The following TECPR1 variants were observed in gnomAD, a reference collection of about 807,000 sequenced individuals.
TECPR1 encodes the protein tectonin beta-propeller repeat containing 1, also known as tectonin beta-propeller repeat-containing protein 1.
In TECPR1, 122 loss-of-function variants were observed where a neutral mutation model predicts 162.4. That is an observed-to-expected ratio of 0.75 (90% confidence interval 0.65 to 0.87). The LOEUF is 0.87. TECPR1 is among the 40% of genes least tolerant of loss of function. TECPR1 has a pLI of 0.00. For synonymous variants in TECPR1, 642 were observed against 670.6 expected (o/e 0.96, Z 0.66); for missense variants, 1,432 against 1,618.2 (o/e 0.88, Z 1.97).
chr7:98,230,952 C>T lies in TECPR1; in HGVS notation c.2282+9G>A. ...GCCCCAGACCCCACCCAGAGTGCGG[C>T]TCACTCACATCTGGTCGCAGGGCAG... On this transcript the variant is annotated intron_variant, in intron 15 of 25. Transcript: ENST00000447648. 1 of 1,608,822 alleles carries T rather than the reference C, an allele frequency of 6.2e-7. No homozygotes were observed. Among genetic ancestry groups the T allele is most frequent in the Non-Finnish European group, 8.5e-7 (1 of 1,177,858 alleles).
chr7:98,245,572 A>C, intron 3 of TECPR1, among the ~76,000 whole-genome samples: 1 of 152,196 alleles, frequency 6.6e-6, no homozygotes, highest in East Asian at 1.9e-4. Context: ...CCCTGGCTCA[A>C]GTGATCCTCC....
At chr7:98,251,237 G>T (rs888021817) in intron 2 of TECPR1, 157 bp downstream of exon 2, 1 of 152,110 alleles carries the variant, frequency 6.6e-6, no homozygotes, top group Non-Finnish European at 1.5e-5. Flanking sequence ...GTCTTTCCAC[G>T]AAGAAGGTCT....
chr7:98,222,526 G>C lies in TECPR1; in HGVS notation c.2929-5C>G. The stretch of plus-strand genomic sequence containing the variant: ...AACGTGCAGCCAGGAGGAGCCCTGG[G>C]GATAGCAAGGAGGGGCGCTGAGGTC... On this transcript the variant is annotated splice_region_variant and splice_polypyrimidine_tract_variant and intron_variant, in intron 21 of 25. Coordinates refer to ENST00000447648, the MANE Select transcript of TECPR1 (RefSeq NM_015395.3). 4 of 1,571,270 alleles carry C rather than the reference G, an allele frequency of 2.5e-6. No homozygotes were observed. In the South Asian group the frequency reaches 3.5e-5, roughly 14 times the overall value.
intron 21 of TECPR1, 30 bp downstream of exon 21, chr7:98,222,960 A>G: frequency 6.2e-7 from 1 of 1,607,530 alleles, no homozygotes; most frequent in Non-Finnish European, 8.5e-7. Flanking sequence ...GTCTCATTTC[A>G]AGAAGAATCT....
Position 98,228,085 on chromosome 7 carries a change from C to T in TECPR1, c.2442G>A (p.Thr814=), listed in dbSNP as rs371889090. 58 of 1,612,456 alleles carry T rather than the reference C, an allele frequency of 3.6e-5. No individual in the cohort carries two copies. The East Asian group carries it at 1.0e-3, about 29-fold the overall frequency. ...TGTGAACACACTTCACGTCTGACTG[C>T]GTGTAGATGTTACTGGTGCTGCTGG... ...GLASSTSNIY[T]QSDVKCVHIY... The change falls in exon 17 of 26, where the codon ACG becomes ACA. Residue 814 remains threonine (T), a synonymous_variant. Coordinates refer to ENST00000447648, the MANE Select transcript of TECPR1 (RefSeq NM_015395.3).
intron 8 of TECPR1, among the ~76,000 whole-genome samples, chr7:98,239,423 T>C (rs1161333854): frequency 6.6e-6 from 1 of 152,108 alleles, no homozygotes; most frequent in Non-Finnish European, 1.5e-5. Flanking sequence ...GGTGTGGTGG[T>C]ACACGCTTGG....
chr7:98,221,714 C>T lies in TECPR1; in HGVS notation c.3104G>A (p.Arg1035Lys), dbSNP rs1187780063. Reference protein sequence around the residue: ...WYHIPSPPRQRLKQVSAGQTS... With the variant: ...WYHIPSPPRQKLKQVSAGQTS... ...CTGCCCCGCGGACACCTGCTTCAGC[C>T]TCTGTCTCGGTGGGGACGGGATGTG... Residue 1035 changes from arginine (R) to lysine (K), a missense_variant, in exon 23 of 26, where the codon AGG becomes AAG. Transcript: ENST00000447648. 26 of 1,613,532 alleles carry T rather than the reference C, an allele frequency of 1.6e-5. No individual in the cohort carries two copies. The highest frequency in any genetic ancestry group is 1.9e-5 in the Non-Finnish European group (22 of 1,179,880).
intron 2 of TECPR1, among the ~76,000 whole-genome samples, 165 bp from the exon 3 acceptor site, chr7:98,246,330 A>G (rs1238679823): frequency 1.3e-5 from 2 of 149,564 alleles, no homozygotes; most frequent in Non-Finnish European, 3.0e-5. Context: ...GCAGTGGCGC[A>G]ATCTTGGCTC....
rs1425019753 is a variant in TECPR1 at position 98,222,372 on chromosome 7, G to GC, written c.3064+13_3064+14insG. On this transcript the variant is annotated intron_variant, in intron 22 of 25. Transcript: ENST00000447648. ...AGGTGAACACTGCAGGGGCTCCTGG[G>GC]GCGCGGCACTCACCGGCTGGCTGCG... 5.0e-6 allele frequency: 8 copies of GC among 1,605,040 alleles called. No homozygotes were observed. The highest frequency in any genetic ancestry group is 6.8e-6 in the Non-Finnish European group (8 of 1,176,392).
rs1798181068 is a variant in TECPR1, at chr7:98,222,976, GC to G, written c.2928+13del. 2 of 1,610,632 alleles carry G rather than the reference GC, an allele frequency of 1.2e-6. No homozygotes were observed. Among genetic ancestry groups the G allele is most frequent in the South Asian group, 2.2e-5 (2 of 90,698 alleles). On this transcript the variant is annotated intron_variant, in intron 21 of 25. Transcript: ENST00000447648. Reference sequence around the variant, plus strand: ...TCTCATTTCAAGAAGAATCTGTCTGGCCCCGGCACTCACCGCAGGGTTGAGC... The same window carrying G: ...TCTCATTTCAAGAAGAATCTGTCTGGCCCGGCACTCACCGCAGGGTTGAGC...
At chr7:98,240,745 G>A (rs1798721945) in intron 8 of TECPR1, 106 bp downstream of exon 8, 2 of 937,748 alleles carry the variant, frequency 2.1e-6, no homozygotes, top group Non-Finnish European at 3.1e-6. Context: ...ATTTGAGACA[G>A]GGTCTCGCTC....
intron 23 of TECPR1, 29 bp downstream of exon 23, chr7:98,221,632 A>G: frequency 2.5e-6 from 4 of 1,607,280 alleles, no homozygotes; most frequent in Non-Finnish European, 3.4e-6. Context: ...CAGCCAAAAC[A>G]TTAAAAATTT....
Position 98,235,849 on chromosome 7 carries a change from A to AAAAAAAAAAAAAAAAAAAAAAAAACAAC in TECPR1, c.1181+926_1181+927insGTTGTTTTTTTTTTTTTTTTTTTTTTTT. ...TCTCAAAAAAAAAAAAAAAAAAAAA[A>AAAAAAAAAAAAAAAAAAAAAAAAACAAC]AACACCATCTGAGCAGACTAAACCC... On this transcript the variant is annotated intron_variant, in intron 10 of 25. Transcript: ENST00000447648. Among the ~76,000 whole-genome samples the AAAAAAAAAAAAAAAAAAAAAAAAACAAC allele has an allele frequency of 1.1e-3, 118 of 110,038 alleles. 19 individuals are homozygous for AAAAAAAAAAAAAAAAAAAAAAAAACAAC. The highest frequency in any genetic ancestry group is 1.8e-3 in the Non-Finnish European group (86 of 48,422). The allele number at this position is 110,038 out of a possible 152,430, so 72.2% of individuals were successfully genotyped here.
chr7:98,231,436 C>G lies in TECPR1; in HGVS notation c.1975-63G>C, dbSNP rs908699249. On this transcript the variant is annotated intron_variant, in intron 13 of 25. Transcript: ENST00000447648. ...AGGGCAGGAGGCCTCTGGAGGGTGACCCCCACTGTGCTTCACCCTGGGACC... is the reference window on the plus strand; with the variant it reads ...AGGGCAGGAGGCCTCTGGAGGGTGAGCCCCACTGTGCTTCACCCTGGGACC... 4.6e-6 allele frequency: 7 copies of G among 1,515,014 alleles called. No homozygotes were observed. In the Admixed American group the frequency reaches 9.9e-5, roughly 22 times the overall value. The allele number at this position is 1,515,014 out of a possible 1,614,324, so 93.8% of individuals were successfully genotyped here. A position where few individuals can be genotyped will look rare whatever the true frequency, so the allele number is the denominator to read the frequency against.
At position 98,238,508 on chromosome 7, in the gene TECPR1, C is replaced by T. The variant is rs929903792; in HGVS notation, c.1035+1G>A. 4 of 1,558,516 alleles carry T rather than the reference C, an allele frequency of 2.6e-6. No individual in the cohort carries two copies. The highest frequency in any genetic ancestry group is 3.5e-6 in the Non-Finnish European group (4 of 1,151,424). On this transcript the variant is annotated splice_donor_variant, in intron 9 of 25. Coordinates refer to ENST00000447648, the MANE Select transcript of TECPR1 (RefSeq NM_015395.3). LOFTEE classifies it high-confidence loss of function. ...TAGGGGCTGCAGACCCACGTGCACACCTGGTCGTTCATTCCCACGTTCACC... is the reference window on the plus strand; with the variant it reads ...TAGGGGCTGCAGACCCACGTGCACATCTGGTCGTTCATTCCCACGTTCACC...
In TECPR1 at chr7:98,218,046, G is replaced by A. The variant is rs1048284082; in HGVS notation, c.3158-4C>T. 9 of 1,558,384 alleles carry A rather than the reference G, an allele frequency of 5.8e-6. No homozygotes were observed. In the African/African-American group the frequency reaches 6.8e-5, roughly 12 times the overall value. On this transcript the variant is annotated splice_region_variant and splice_polypyrimidine_tract_variant and intron_variant, in intron 23 of 25. Coordinates refer to ENST00000447648, the MANE Select transcript of TECPR1 (RefSeq NM_015395.3). ...CCTTGGCGATACCACAGGTTTCCTGGGGAGAAAAGCAGTGAGGGTCAAAGG... is the reference window on the plus strand; with the variant it reads ...CCTTGGCGATACCACAGGTTTCCTGAGGAGAAAAGCAGTGAGGGTCAAAGG...
chr7:98,243,825 G>A (rs1798831748), intron 5 of TECPR1, among the ~76,000 whole-genome samples: 1 of 152,150 alleles, frequency 6.6e-6, no homozygotes, highest in Admixed American at 6.5e-5. Context: ...CAAACTCCCG[G>A]CCTCAAGTGA....
At chr7:98,220,275 C>T (rs192163496) in intron 23 of TECPR1, among the ~76,000 whole-genome samples, 13 of 151,890 alleles carry the variant, frequency 8.6e-5, no homozygotes, top group African/African-American at 2.7e-4. Flanking sequence ...ACCTGGGAGG[C>T]GGAGGTTGCA....
At chr7:98,223,634 T>C in intron 20 of TECPR1, 28 bp downstream of exon 20, 1 of 1,613,090 alleles carries the variant, frequency 6.2e-7, no homozygotes, top group South Asian at 1.1e-5. Flanking sequence ...AGCCTGACCG[T>C]GACAGTCACC....
Sources: allele counts gnomAD v4.1 joint callset (sites outside exome capture counted in the v4.1 genomes callset), GRCh38; gene constraint gnomAD v4.1.1; transcripts MANE v1.5; gene names NCBI Gene and HGNC (gene_info 2026-07-23, HGNC 2026-07-21).